Variants in MYO1B observed in about 807,000 individuals in gnomAD.
MYO1B encodes the protein myosin IB, also known as unconventional myosin-Ib.
Under a neutral mutation model 159.7 loss-of-function variants are expected in MYO1B, and 72 were observed. The ratio of observed to expected loss-of-function variants is 0.45; its 90% CI spans 0.37 to 0.55. The LOEUF (loss-of-function observed/expected upper bound fraction) is 0.55, where lower values mean the gene tolerates loss of function less well. Among genes scored for constraint, MYO1B ranks in the 20% least tolerant of loss-of-function variants. The pLI is 0.00. For missense variants in MYO1B, 1,062 were observed against 1,364.8 expected (o/e 0.78, Z 3.50); for synonymous variants, 468 against 473.8 (o/e 0.99, Z 0.16).
intron 13 of MYO1B, among the ~76,000 whole-genome samples, chr2:191,375,731 C>T (rs1031260003): frequency 1.6e-4 from 25 of 152,156 alleles, no homozygotes; most frequent in African/African-American, 5.5e-4. Flanking sequence ...GAGGCCAAGG[C>T]GGGCAGATCA....
At chr2:191,288,734 G>A (rs1574346342) in intron 2 of MYO1B, among the ~76,000 whole-genome samples, 1 of 152,206 alleles carries the variant, frequency 6.6e-6, no homozygotes, top group East Asian at 1.9e-4. Context: ...ATCAGTCAGT[G>A]CGATTGTGCA....
At chr2:191,264,848 T>G (rs901588776) in intron 1 of MYO1B, among the ~76,000 whole-genome samples, 7 of 151,596 alleles carry the variant, frequency 4.6e-5, no homozygotes, top group African/African-American at 1.7e-4. Context: ...TGAGCCTTGT[T>G]TTTTTTTGTT....
In MYO1B at chr2:191,402,819, A is replaced by G. The variant is rs564988699; in HGVS notation, c.2556+101A>G. 3.9e-4 allele frequency: 337 copies of G among 872,016 alleles called. 5 individuals are homozygous for G. In the South Asian group the frequency reaches 5.8e-3, roughly 15 times the overall value. The allele number at this position is 872,016 out of a possible 1,614,324, so 54.0% of individuals were successfully genotyped here. ...TTGATTATGCTTGCTGATGGTCTGC[A>G]CAGTCTTGTAGAATGTCATCTTGCT... On this transcript the variant is annotated intron_variant, in intron 24 of 30. Transcript: ENST00000392318.
At chr2:191,281,653 TTC>T (rs142939850) in intron 2 of MYO1B, among the ~76,000 whole-genome samples, 2,048 of 152,228 alleles carry the variant, frequency 0.013, 57 homozygotes, top group African/African-American at 0.047. Context: ...GCCAGACATG[TTC>T]TGTTTTTAGG....
At chr2:191,334,399 C>T (rs1691691972) in intron 4 of MYO1B, among the ~76,000 whole-genome samples, 1 of 152,144 alleles carries the variant, frequency 6.6e-6, no homozygotes, top group Admixed American at 6.5e-5. Flanking sequence ...GTTGCTAGTG[C>T]TGTTTCAGAG....
chr2:191,263,290 T>G, intron 1 of MYO1B: 1 of 983,050 alleles, frequency 1.0e-6, no homozygotes, highest in Non-Finnish European at 1.2e-6. Flanking sequence ...CTTAGTGTGT[T>G]CTCCCTGTCA....
intron 30 of MYO1B, among the ~76,000 whole-genome samples, chr2:191,422,613 T>C (rs896220295): frequency 6.6e-6 from 1 of 152,216 alleles, no homozygotes; most frequent in Non-Finnish European, 1.5e-5. Context: ...AAACACATGA[T>C]TTTATGCATA....
chr2:191,343,609 G>A (rs984906524), intron 5 of MYO1B, among the ~76,000 whole-genome samples: 2 of 152,034 alleles, frequency 1.3e-5, no homozygotes, highest in Non-Finnish European at 2.9e-5. Flanking sequence ...TTTGTTTATT[G>A]TCTTTTGCTT....
At chr2:191,271,095 T>A (rs1239936656) in intron 1 of MYO1B, among the ~76,000 whole-genome samples, 1 of 152,206 alleles carries the variant, frequency 6.6e-6, no homozygotes, top group African/African-American at 2.4e-5. Flanking sequence ...TAAGGCATGA[T>A]TCTTGACACC....
chr2:191,387,611 C>G (rs1054818934), intron 17 of MYO1B, 161 bp downstream of exon 17: 1 of 666,194 alleles, frequency 1.5e-6, no homozygotes, highest in South Asian at 1.9e-5. Flanking sequence ...AAAAAATGCT[C>G]CACTATCCTT....
chr2:191,295,982 A>G (rs998099634), intron 2 of MYO1B, 129 bp from the exon 3 acceptor site: 12 of 413,536 alleles, frequency 2.9e-5, no homozygotes, highest in Non-Finnish European at 4.8e-5. Flanking sequence ...CTTAAAATGT[A>G]TACAATGAAT....
intron 13 of MYO1B, chr2:191,381,005 G>A (rs937660644): frequency 3.4e-5 from 9 of 268,386 alleles, no homozygotes; most frequent in African/African-American, 2.0e-4. Flanking sequence ...AAAAGGGTTA[G>A]GATGCAAGAG....
In MYO1B at chr2:191,369,613, C is replaced by A. The variant is rs1191530343; in HGVS notation, c.1104C>A (p.Ile368=). 2 of 1,612,868 alleles carry A rather than the reference C, an allele frequency of 1.2e-6. No individual in the cohort carries two copies. Among genetic ancestry groups the A allele is most frequent in the South Asian group, 1.1e-5 (1 of 90,996 alleles). ...TGTTTTCATGGTTGGTAAATCGAAT[C>A]AATGAAAGCATTAAGGTACTGAATT... The part of the protein sequence containing the change: ...SRLFSWLVNR[I]NESIKAQTKV... Residue 368 remains isoleucine (I), a synonymous_variant, in exon 12 of 31, where the codon ATC becomes ATA. Transcript: ENST00000392318.
Position 191,390,483 on chromosome 2 carries a change from G to A in MYO1B, c.1973G>A (p.Gly658Glu). 1 of 1,612,606 alleles carries A rather than the reference G, an allele frequency of 6.2e-7. No individual in the cohort carries two copies. Among genetic ancestry groups the A allele is most frequent in the South Asian group, 1.1e-5 (1 of 90,968 alleles). ...LCKQTWPHWK[G>E]PARSGVEVLF... ...AAACAAACATGGCCTCATTGGAAAG[G>A]ACCAGCCAGGTAAGAAATTCAGTGA... Residue 658 changes from glycine (G) to glutamate (E), a missense_variant, in exon 18 of 31, where the codon GGA becomes GAA. Physicochemically the swap from Gly to Glu is moderately conservative, Grantham distance 98 (BLOSUM62 -2). Around this residue, in one of 5 missense-constraint regions of MYO1B, gnomAD observed 609 missense variants for 744.4 expected, o/e 0.82. Coordinates refer to ENST00000392318, the MANE Select transcript of MYO1B (RefSeq NM_001130158.3).
chr2:191,391,658 A>G (rs985897897), intron 18 of MYO1B, among the ~76,000 whole-genome samples: 2 of 152,172 alleles, frequency 1.3e-5, no homozygotes, highest in Non-Finnish European at 2.9e-5. Flanking sequence ...GGTAAGGCCC[A>G]CGTTCCTTAG....
At position 191,360,638 on chromosome 2, in the gene MYO1B, A is replaced by G. The variant is rs35168694; in HGVS notation, c.570A>G (p.Leu190=). The change falls in exon 8 of 31, where the codon TTA becomes TTG. Residue 190 remains leucine (L), a synonymous_variant. Coordinates refer to ENST00000392318, the MANE Select transcript of MYO1B (RefSeq NM_001130158.3). ...PLGGVISNYL[L]EKSRVVKQPR... is the part of the protein sequence containing the mutation. ...TTTAACTCTTCTCTTTAGATCTTTT[A>G]GAGAAATCTCGGGTTGTTAAACAGC... 8.0e-4 allele frequency: 1,286 copies of G among 1,607,614 alleles called. 12 individuals are homozygous for G. In the African/African-American group the frequency reaches 0.014, roughly 18 times the overall value.
intron 3 of MYO1B, among the ~76,000 whole-genome samples, chr2:191,322,578 G>C (rs1229431191): frequency 6.6e-6 from 1 of 152,092 alleles, no homozygotes; most frequent in Admixed American, 6.6e-5. Flanking sequence ...CTCCAGGCTA[G>C]AAAAAATTTT....
Position 191,390,506 on chromosome 2 carries a change from T to C in MYO1B, c.1982+14T>C, listed in dbSNP as rs746777553. 2 of 1,607,620 alleles carry C rather than the reference T, an allele frequency of 1.2e-6. No homozygotes were observed. The highest frequency in any genetic ancestry group is 1.7e-6 in the Non-Finnish European group (2 of 1,176,256). On this transcript the variant is annotated intron_variant, in intron 18 of 30. Coordinates refer to ENST00000392318, the MANE Select transcript of MYO1B (RefSeq NM_001130158.3). ...AGGACCAGCCAGGTAAGAAATTCAGTGACCATATTTAATAATGAATGTTTT... is the reference window on the plus strand; with the variant it reads ...AGGACCAGCCAGGTAAGAAATTCAGCGACCATATTTAATAATGAATGTTTT...
chr2:191,353,220 T>C (rs1693034320), intron 7 of MYO1B, among the ~76,000 whole-genome samples: 2 of 152,182 alleles, frequency 1.3e-5, no homozygotes, highest in South Asian at 4.1e-4. Context: ...CATCCAAATG[T>C]TTAGGTGATG....
Sources: gnomAD v4.1 joint callset for allele counts (sites outside exome capture counted in the v4.1 genomes callset) on GRCh38, gnomAD v4.1.1 for gene constraint, gnomAD v4.1.1 regional missense constraint, MANE v1.5 for transcripts, NCBI Gene and HGNC (gene_info 2026-07-23, HGNC 2026-07-21) for gene names.